TLN2: variants seen among roughly 807,000 people sequenced by gnomAD.
The protein encoded by TLN2 is talin 2, also known as talin-2.
In TLN2, 118 loss-of-function variants were observed where a neutral mutation model predicts 294.7. That is an observed-to-expected ratio of 0.40 (90% CI 0.34 to 0.47). The LOEUF (loss-of-function observed/expected upper bound fraction) is 0.47, where lower values mean the gene tolerates loss of function less well. Among genes scored for constraint, TLN2 ranks in the 20% least tolerant of loss-of-function variants. TLN2 has a pLI of 0.84. For missense variants in TLN2, 3,083 were observed against 3,282.2 expected, an observed-to-expected ratio of 0.94 and a Z score of 1.48; for synonymous variants, 1,431 against 1,304.5, an observed-to-expected ratio of 1.10 and a Z score of -2.09.
chr15:62,752,485 T>A, intron 35 of TLN2, 58 bp downstream of exon 35: 1 of 1,586,632 alleles, frequency 6.3e-7, no homozygotes, highest in South Asian at 1.1e-5. Flanking sequence ...GTGGGAGGTG[T>A]GGGGGAACTC....
intron 52 of TLN2, among the ~76,000 whole-genome samples, chr15:62,814,879 T>C (rs2141187396): frequency 6.6e-6 from 1 of 152,304 alleles, no homozygotes; most frequent in Non-Finnish European, 1.5e-5. Flanking sequence ...AAGAGGAGTA[T>C]TGTTTCACAC....
At chr15:62,601,572 T>C (rs1439281542) in intron 2 of TLN2, among the ~76,000 whole-genome samples, 5 of 152,204 alleles carry the variant, frequency 3.3e-5, no homozygotes, top group Non-Finnish European at 4.4e-5. Flanking sequence ...GTAGACTCTT[T>C]GTTACATTAC....
chr15:62,762,629 A>G lies in TLN2; in HGVS notation c.4961+176A>G, dbSNP rs544960936. ...GTAATTGCTAACTTAAGTACTTACC[A>G]TATACCAAATACTACTACAAGTGCT... On this transcript the variant is annotated intron_variant, in intron 39 of 58. Coordinates refer to ENST00000636159, the MANE Select transcript of TLN2 (RefSeq NM_015059.3). Among the ~76,000 whole-genome samples, 20 of 152,364 alleles carry G rather than the reference A, an allele frequency of 1.3e-4. 1 individual carries two copies. In the South Asian group the frequency reaches 2.9e-3, roughly 22 times the overall value.
At chr15:62,619,275 A>T (rs1207698832) in intron 3 of TLN2, among the ~76,000 whole-genome samples, 1 of 152,176 alleles carries the variant, frequency 6.6e-6, no homozygotes, top group Non-Finnish European at 1.5e-5. Flanking sequence ...TCTGTTAGAG[A>T]AGAGTGAGGC....
chr15:62,410,545 C>G (rs2033710035), intron 1 of TLN2, among the ~76,000 whole-genome samples: 1 of 152,212 alleles, frequency 6.6e-6, no homozygotes. Flanking sequence ...TTTTGTGAAG[C>G]ATGTATTCCC....
At chr15:62,586,161 A>T (rs1398952538) in intron 1 of TLN2, among the ~76,000 whole-genome samples, 1 of 152,196 alleles carries the variant, frequency 6.6e-6, no homozygotes, top group East Asian at 1.9e-4. Context: ...CTCCGTCGCA[A>T]ATGTGGACTT....
intron 11 of TLN2, chr15:62,682,843 T>G (rs2056955985): frequency 6.6e-6 from 1 of 152,068 alleles, no homozygotes; most frequent in African/African-American, 2.4e-5. Context: ...CTTTGAAAAC[T>G]TTTTGCAGAC....
At position 62,694,173 on chromosome 15, in the gene TLN2, C is replaced by T. The variant is rs185708607; in HGVS notation, c.1216-143C>T. Reference sequence around the variant, plus strand: ...ATATTTTTTATTAGAGACGGGGTCTCACTGTGTTGACCAGGTTTGTCTCGA... The same window carrying T: ...ATATTTTTTATTAGAGACGGGGTCTTACTGTGTTGACCAGGTTTGTCTCGA... On this transcript the variant is annotated intron_variant, in intron 13 of 58. Coordinates refer to ENST00000636159, the MANE Select transcript of TLN2 (RefSeq NM_015059.3). 1.4e-3 allele frequency: 846 copies of T among 598,028 alleles called. 2 individuals carry two copies. Among genetic ancestry groups the T allele is most frequent in the Non-Finnish European group, 2.1e-3 (708 of 332,780 alleles). The allele number at this position is 598,028 out of a possible 1,614,324, so 37.0% of individuals were successfully genotyped here. A position where few individuals can be genotyped will look rare whatever the true frequency, so the allele number is the denominator to read the frequency against.
intron 43 of TLN2, among the ~76,000 whole-genome samples, chr15:62,777,530 C>A (rs79170856): frequency 1.2e-3 from 169 of 135,372 alleles, no homozygotes; most frequent in African/African-American, 1.4e-3. Context: ...GCGAAACTCT[C>A]AAAAAAAAAA....
At chr15:62,540,796 G>A (rs960695322) in intron 1 of TLN2, among the ~76,000 whole-genome samples, 1 of 152,174 alleles carries the variant, frequency 6.6e-6, no homozygotes, top group East Asian at 1.9e-4. Context: ...TGATCCGGGT[G>A]GAAAGGCAGA....
intron 1 of TLN2, among the ~76,000 whole-genome samples, chr15:62,399,909 G>A (rs1263211036): frequency 6.6e-6 from 1 of 152,178 alleles, no homozygotes; most frequent in Admixed American, 6.5e-5. Context: ...GACTTAGGGG[G>A]ACTGTTGGAA....
intron 11 of TLN2, 24 bp downstream of exon 11, chr15:62,675,345 G>T (rs759606601): frequency 9.9e-6 from 16 of 1,609,930 alleles, no homozygotes; most frequent in Non-Finnish European, 1.4e-5. Flanking sequence ...AATGGGGAGA[G>T]TGTTCACCTT....
intron 28 of TLN2, among the ~76,000 whole-genome samples, chr15:62,728,246 C>T (rs1304066031): frequency 5.3e-5 from 8 of 152,188 alleles, no homozygotes; most frequent in Non-Finnish European, 2.9e-5. Flanking sequence ...ATGTGCCCCT[C>T]GTGCCTAGCT....
intron 41 of TLN2, among the ~76,000 whole-genome samples, chr15:62,770,423 C>A (rs1051966914): frequency 4.6e-5 from 7 of 152,282 alleles, no homozygotes; most frequent in African/African-American, 1.4e-4. Flanking sequence ...TTTGTTCTCC[C>A]AAGTTGGGCG....
chr15:62,640,840 C>T (rs994783069), intron 3 of TLN2, among the ~76,000 whole-genome samples: 1 of 152,048 alleles, frequency 6.6e-6, no homozygotes, highest in Admixed American at 6.5e-5. Flanking sequence ...CTCACTCTGT[C>T]GCCCAGGCTG....
intron 1 of TLN2, among the ~76,000 whole-genome samples, chr15:62,463,682 G>A (rs914136173): frequency 6.6e-5 from 10 of 152,100 alleles, no homozygotes; most frequent in African/African-American, 1.2e-4. Context: ...TCAGGAGATC[G>A]AGACCATCCT....
At position 62,622,982 on chromosome 15, in the gene TLN2, T is replaced by A. The variant is rs147310046; in HGVS notation, c.-37+4507T>A. 8.5e-3 allele frequency among the ~76,000 whole-genome samples: 1,293 copies of A among 152,338 alleles called. 6 individuals are homozygous for A. The highest frequency in any genetic ancestry group is 0.014 in the Non-Finnish European group (966 of 68,032). On this transcript the variant is annotated intron_variant, in intron 3 of 58. Transcript: ENST00000636159. ...TCTGTGTGCCCTGCACAGCTGGCCC[T>A]GAGTGCCAGCCTGTCTTTCTTACTC...
intron 1 of TLN2, among the ~76,000 whole-genome samples, chr15:62,543,761 A>C (rs2041837550): frequency 6.6e-6 from 1 of 151,756 alleles, no homozygotes; most frequent in Non-Finnish European, 1.5e-5. Flanking sequence ...CTCAAAAAAA[A>C]AAAAAAAAGA....
chr15:62,753,876 C>T lies in TLN2; in HGVS notation c.4436C>T (p.Ala1479Val), dbSNP rs1253343796. Residue 1479 changes from alanine (A) to valine (V), a missense_variant, in exon 36 of 59, where the codon GCA becomes GTA. By Grantham distance (64) the Ala-to-Val change is moderately conservative. Transcript: ENST00000636159. ...AGGGCTAACCAGGCCATCCAGATGG[C>T]ATGCCAGAACTTGGTGGACCCTGGC... ...FARANQAIQMACQNLVDPGSS... is the reference protein window; with the variant it reads ...FARANQAIQMVCQNLVDPGSS... The T allele has an allele frequency of 6.2e-7, 1 of 1,609,718 alleles. No homozygotes were observed. Among genetic ancestry groups the T allele is most frequent in the Non-Finnish European group, 8.5e-7 (1 of 1,178,144 alleles).
Sources: gnomAD v4.1 joint callset for allele counts (sites outside exome capture counted in the v4.1 genomes callset) on GRCh38, gnomAD v4.1.1 for gene constraint, MANE v1.5 for transcripts, NCBI Gene and HGNC (gene_info 2026-07-23, HGNC 2026-07-21) for gene names.